Variants in ANKRD29 observed in about 807,000 individuals in gnomAD.
ANKRD29 encodes ankyrin repeat domain-containing protein 29.
ANKRD29 carries 32 observed loss-of-function variants against 38.0 expected under a neutral mutation model. That is an observed-to-expected ratio of 0.84 (90% CI 0.64 to 1.13). The LOEUF is 1.13. Among genes scored for constraint, ANKRD29 ranks in the 50% most tolerant of loss-of-function variants. The pLI is 0.00. For synonymous variants in ANKRD29, 135 were observed against 152.4 expected (o/e 0.89, Z 0.84); for missense variants, 357 against 377.9 (o/e 0.94, Z 0.46).
intron 5 of ANKRD29, among the ~76,000 whole-genome samples, chr18:23,630,246 G>A (rs1027882227): frequency 3.9e-5 from 6 of 152,198 alleles, no homozygotes; most frequent in African/African-American, 1.2e-4. Context: ...CCAACAGGGC[G>A]ATACCCCATC....
intron 4 of ANKRD29, among the ~76,000 whole-genome samples, chr18:23,635,589 C>A (rs971518097): frequency 6.6e-6 from 1 of 152,180 alleles, no homozygotes; most frequent in African/African-American, 2.4e-5. Context: ...AAACACATAA[C>A]CTGGTTCTAA....
chr18:23,655,966 G>T (rs370116828), intron 1 of ANKRD29, among the ~76,000 whole-genome samples: 6 of 149,964 alleles, frequency 4.0e-5, no homozygotes, highest in Non-Finnish European at 8.9e-5. Context: ...AGTGGTGGGC[G>T]CCTGTAGTCC....
chr18:23,630,030 G>T, intron 5 of ANKRD29, 79 bp from the exon 6 acceptor site: 2 of 1,172,690 alleles, frequency 1.7e-6, no homozygotes, highest in South Asian at 1.4e-5. Context: ...GGGTGCAGTG[G>T]CTCATGCCTG....
intron 3 of ANKRD29, among the ~76,000 whole-genome samples, chr18:23,639,742 AC>A (rs1325836752): frequency 9.2e-5 from 14 of 151,920 alleles, no homozygotes; most frequent in Admixed American, 7.9e-4. Flanking sequence ...CACTATGTTG[AC>A]CAGGCTGGTC....
At chr18:23,652,354 A>G (rs2060220443) in intron 1 of ANKRD29, among the ~76,000 whole-genome samples, 1 of 152,204 alleles carries the variant, frequency 6.6e-6, no homozygotes, top group Non-Finnish European at 1.5e-5. Context: ...AGGCTTCAGC[A>G]ACAGGCAGTC....
At chr18:23,659,786 C>T (rs961567376) in intron 1 of ANKRD29, among the ~76,000 whole-genome samples, 1 of 150,590 alleles carries the variant, frequency 6.6e-6, no homozygotes, top group Non-Finnish European at 1.5e-5. Flanking sequence ...ACAAAAAAAA[C>T]TTTTTGAAGA....
intron 1 of ANKRD29, among the ~76,000 whole-genome samples, chr18:23,653,966 G>A (rs1049965285): frequency 2.0e-5 from 3 of 152,008 alleles, no homozygotes; most frequent in Non-Finnish European, 4.4e-5. Flanking sequence ...TAACAGAGCC[G>A]GGATTTAAGT....
At chr18:23,613,164 ATTTTTTTTTTT>A (rs546475443) in intron 8 of ANKRD29, among the ~76,000 whole-genome samples, 2 of 99,058 alleles carry the variant, frequency 2.0e-5, no homozygotes, top group African/African-American at 8.5e-5. Flanking sequence ...ACGGGTCAGA[ATTTTTTTTTTT>A]TTTTTTTTTT....
chr18:23,626,396 G>A (rs2059862591), intron 6 of ANKRD29, among the ~76,000 whole-genome samples: 1 of 152,196 alleles, frequency 6.6e-6, no homozygotes, highest in African/African-American at 2.4e-5. Context: ...TTTTAATAAG[G>A]TGGGTGAGTG....
intron 5 of ANKRD29, 111 bp from the exon 6 acceptor site, chr18:23,630,062 C>A: frequency 1.2e-6 from 1 of 852,098 alleles, no homozygotes; most frequent in Non-Finnish European, 1.8e-6. Context: ...CTTTGGGAGG[C>A]CTAGGTAGGT....
chr18:23,637,807 C>A (rs2060021659), intron 4 of ANKRD29, among the ~76,000 whole-genome samples: 1 of 152,098 alleles, frequency 6.6e-6, no homozygotes, highest in East Asian at 1.9e-4. Flanking sequence ...CCAACTTGCG[C>A]ACATTTTCAG....
In ANKRD29 at chr18:23,619,621, T is replaced by C; in HGVS notation, c.537A>G (p.Thr179=). ...TCTGGGACGCGATCCACAGGGGCGC[T>C]GTCCCGTCCTGCGGGAAGAGGAGGC... ...AKVNQPRQDG[T]APLWIASQMG... The change falls in exon 7 of 10, where the codon ACA becomes ACG. Residue 179 remains threonine, a synonymous_variant. Transcript: ENST00000592179. The C allele has an allele frequency of 6.3e-7, 1 of 1,582,302 alleles. No individual in the cohort carries two copies. The highest frequency in any genetic ancestry group is 8.5e-7 in the Non-Finnish European group (1 of 1,173,364).
chr18:23,648,968 G>T, intron 2 of ANKRD29, 115 bp downstream of exon 2: 1 of 865,764 alleles, frequency 1.2e-6, no homozygotes. Flanking sequence ...GATAAAGCAA[G>T]CAAACACATG....
In ANKRD29 at chr18:23,619,580, A is replaced by G; in HGVS notation, c.578T>C (p.Val193Ala). Residue 193 changes from valine to alanine, a missense_variant, in exon 7 of 10, where the codon GTG becomes GCG. Val to Ala is a moderately conservative substitution (Grantham distance 64). Coordinates refer to ENST00000592179, the MANE Select transcript of ANKRD29 (RefSeq NM_173505.4). Reference sequence around the variant, plus strand: ...TCCGCGCAGCAGCATCACCCGCACCACCTCGCTGTGGCCCATCTGGGACGC... The same window carrying G: ...TCCGCGCAGCAGCATCACCCGCACCGCCTCGCTGTGGCCCATCTGGGACGC... ...WIASQMGHSE[V>A]VRVMLLRGAD... 6.3e-7 allele frequency: 1 copy of G among 1,597,412 alleles called. No individual in the cohort carries two copies.
intron 4 of ANKRD29, among the ~76,000 whole-genome samples, chr18:23,638,180 T>C (rs2060027488): frequency 1.3e-5 from 2 of 151,952 alleles, no homozygotes; most frequent in South Asian, 4.2e-4. Flanking sequence ...TTTTGTATTT[T>C]TAGTAGAGAC....
chr18:23,619,200 C>T (rs1043688442), intron 7 of ANKRD29, among the ~76,000 whole-genome samples: 1 of 152,198 alleles, frequency 6.6e-6, no homozygotes, highest in African/African-American at 2.4e-5. Context: ...AGGCGCAGCA[C>T]CAGCCAGGGG....
Position 23,599,113 on chromosome 18 carries a change from T to C in ANKRD29, c.*2113A>G, listed in dbSNP as rs1254770347. On this transcript the variant is annotated 3_prime_UTR_variant, in exon 10 of 10. Transcript: ENST00000592179. ...GATTAACATAGAATAATCATTTACA[T>C]GTGTGCAAACTAAAATGCAATTTTG... 7 of 152,250 alleles carry C rather than the reference T, an allele frequency of 4.6e-5. No homozygotes were observed. Among genetic ancestry groups the C allele is most frequent in the Admixed American group, 1.3e-4 (2 of 15,288 alleles). 9.4% of individuals were successfully genotyped at this position (152,250 alleles called of 1,614,324 possible). A position where few individuals can be genotyped will look rare whatever the true frequency, so the allele number is the denominator to read the frequency against.
intron 1 of ANKRD29, among the ~76,000 whole-genome samples, chr18:23,661,703 C>T (rs1188085843): frequency 1.3e-5 from 2 of 152,198 alleles, no homozygotes; most frequent in Non-Finnish European, 2.9e-5. Context: ...GAGCAAAACT[C>T]CGTCTCAGGA....
chr18:23,604,854 C>T (rs2059556139), intron 9 of ANKRD29, among the ~76,000 whole-genome samples: 1 of 152,140 alleles, frequency 6.6e-6, no homozygotes, highest in African/African-American at 2.4e-5. Flanking sequence ...AGATAATCAT[C>T]ATACTTCAGT....
Sources: allele counts gnomAD v4.1 joint callset (sites outside exome capture counted in the v4.1 genomes callset), GRCh38; gene constraint gnomAD v4.1.1; transcripts MANE v1.5; gene names NCBI Gene and HGNC (gene_info 2026-07-23, HGNC 2026-07-21).